The following NXPH1 variants were observed in gnomAD, a reference collection of about 807,000 sequenced individuals.
NXPH1 encodes the protein neurexophilin 1.
Under a neutral mutation model 23.7 loss-of-function variants are expected in NXPH1, and 5 were observed. The observed-to-expected ratio is 0.21, with a 90% CI of 0.11 to 0.44. NXPH1 has a LOEUF of 0.44. NXPH1 is among the 20% of genes least tolerant of loss of function. NXPH1 has a pLI of 0.99. For synonymous variants in NXPH1, 144 were observed against 122.2 expected (o/e 1.18, Z -1.18); for missense variants, 324 against 321.6 (o/e 1.01, Z -0.06).
chr7:8,504,684 G>A (rs926233717), intron 2 of NXPH1, among the ~76,000 whole-genome samples: 2 of 152,022 alleles, frequency 1.3e-5, no homozygotes, highest in Admixed American at 6.6e-5. Context: ...ACCCCCTAAA[G>A]TGATGATGTT....
intron 2 of NXPH1, among the ~76,000 whole-genome samples, chr7:8,682,337 A>G (rs1446263716): frequency 6.6e-6 from 1 of 152,210 alleles, no homozygotes; most frequent in Non-Finnish European, 1.5e-5. Flanking sequence ...TTGGGACGAG[A>G]TCAGGAGAGT....
chr7:8,728,811 G>C (rs1188025492), intron 2 of NXPH1, among the ~76,000 whole-genome samples: 1 of 152,106 alleles, frequency 6.6e-6, no homozygotes. Context: ...TTTTTTGGTT[G>C]TGTCTCTGCC....
At chr7:8,619,666 A>G (rs1819822976) in intron 2 of NXPH1, among the ~76,000 whole-genome samples, 1 of 152,310 alleles carries the variant, frequency 6.6e-6, no homozygotes, top group South Asian at 2.1e-4. Context: ...AGTATTACAG[A>G]TATCATGTCT....
At chr7:8,604,346 A>G (rs943124820) in intron 2 of NXPH1, among the ~76,000 whole-genome samples, 1 of 152,164 alleles carries the variant, frequency 6.6e-6, no homozygotes, top group African/African-American at 2.4e-5. Flanking sequence ...CCTACAATGT[A>G]CCCAACACTG....
chr7:8,556,572 G>T lies in NXPH1; in HGVS notation c.54+120805G>T, dbSNP rs577996131. 2.0e-5 allele frequency among the ~76,000 whole-genome samples: 3 copies of T among 151,716 alleles called. No homozygotes were observed. The South Asian group carries it at 6.2e-4, about 31-fold the overall frequency. On this transcript the variant is annotated intron_variant, in intron 2 of 2. Transcript: ENST00000405863. The stretch of plus-strand genomic sequence containing the variant: ...AGCAGGCAGAAAGTAAAAACTAACT[G>T]GCCAGTTAAGAACTATGTATGTCTA...
chr7:8,609,425 A>G (rs1046931341), intron 2 of NXPH1, among the ~76,000 whole-genome samples: 1 of 152,168 alleles, frequency 6.6e-6, no homozygotes, highest in African/African-American at 2.4e-5. Flanking sequence ...CCCAAGACTT[A>G]GCTAATTCAT....
chr7:8,486,683 C>G (rs1467527583), intron 2 of NXPH1, among the ~76,000 whole-genome samples: 3 of 152,174 alleles, frequency 2.0e-5, no homozygotes, highest in African/African-American at 7.2e-5. Flanking sequence ...CTGTGCTAGT[C>G]TACACTTATT....
At chr7:8,684,328 T>C (rs1821107422) in intron 2 of NXPH1, among the ~76,000 whole-genome samples, 1 of 152,174 alleles carries the variant, frequency 6.6e-6, no homozygotes, top group Non-Finnish European at 1.5e-5. Context: ...ACTTTTGACA[T>C]GGTATCCTGG....
At chr7:8,608,426 C>G (rs1332369130) in intron 2 of NXPH1, among the ~76,000 whole-genome samples, 1 of 151,566 alleles carries the variant, frequency 6.6e-6, no homozygotes, top group African/African-American at 2.4e-5. Flanking sequence ...CTCCTGGGCT[C>G]AAGCAAGCCT....
chr7:8,590,981 C>G (rs1410587011), intron 2 of NXPH1, among the ~76,000 whole-genome samples: 1 of 152,030 alleles, frequency 6.6e-6, no homozygotes, highest in African/African-American at 2.4e-5. Flanking sequence ...TCTGTGTACA[C>G]AATAGCATGC....
intron 2 of NXPH1, among the ~76,000 whole-genome samples, chr7:8,495,415 A>C (rs1213846504): frequency 6.6e-6 from 1 of 151,908 alleles, no homozygotes. Context: ...TGTTTGACCA[A>C]ACAACCGAAC....
At chr7:8,438,835 GT>G (rs931296293) in intron 2 of NXPH1, among the ~76,000 whole-genome samples, 1 of 152,210 alleles carries the variant, frequency 6.6e-6, no homozygotes, top group East Asian at 1.9e-4. Context: ...GGATTTTTGT[GT>G]TTTTTGAGAG....
At chr7:8,650,730 G>T (rs1170224271) in intron 2 of NXPH1, among the ~76,000 whole-genome samples, 1 of 152,104 alleles carries the variant, frequency 6.6e-6, no homozygotes, top group Non-Finnish European at 1.5e-5. Flanking sequence ...GCATCCTATT[G>T]TAATTCACTT....
At chr7:8,598,869 T>C (rs944250905) in intron 2 of NXPH1, among the ~76,000 whole-genome samples, 2 of 152,170 alleles carry the variant, frequency 1.3e-5, no homozygotes, top group African/African-American at 4.8e-5. Context: ...CTTCTGATCA[T>C]TGTATGCCTG....
chr7:8,545,977 C>T lies in NXPH1; in HGVS notation c.54+110210C>T, dbSNP rs181834268. On this transcript the variant is annotated intron_variant, in intron 2 of 2. Transcript: ENST00000405863. ...AAATGCTCACAGTGGGTAGAGAGAC[C>T]AGCTGTTGTACTTTTGATTTCACCG... is the stretch of plus-strand genomic sequence containing the variant. Among the ~76,000 whole-genome samples the T allele has an allele frequency of 4.6e-5, 7 of 151,556 alleles. No individual in the cohort carries two copies. The East Asian group carries it at 1.4e-3, about 30-fold the overall frequency.
rs937829256 is a variant in NXPH1 at position 8,442,651 on chromosome 7, G to A, written c.54+6884G>A. Among the ~76,000 whole-genome samples, 1 of 152,246 alleles carries A rather than the reference G, an allele frequency of 6.6e-6. No homozygotes were observed. Among genetic ancestry groups the A allele is most frequent in the African/African-American group, 2.4e-5 (1 of 41,462 alleles). On this transcript the variant is annotated intron_variant, in intron 2 of 2. Transcript: ENST00000405863. This position sits in a 1 kb window ranked among gnomAD's most constrained non-coding sequence, Gnocchi z 4.6. Reference sequence around the variant, plus strand: ...TCGGAAACTCAGTCCGCTGACCAAAGCCGCAGTGTTCAGGCCCCGGGGTTT... The same window carrying A: ...TCGGAAACTCAGTCCGCTGACCAAAACCGCAGTGTTCAGGCCCCGGGGTTT...
chr7:8,554,870 C>T (rs1437572847), intron 2 of NXPH1, among the ~76,000 whole-genome samples: 1 of 151,568 alleles, frequency 6.6e-6, no homozygotes, highest in Admixed American at 6.6e-5. Flanking sequence ...TTTCTAATTC[C>T]AGTTTAAATT....
At chr7:8,700,858 C>G (rs947056435) in intron 2 of NXPH1, among the ~76,000 whole-genome samples, 2 of 151,956 alleles carry the variant, frequency 1.3e-5, no homozygotes, top group Non-Finnish European at 2.9e-5. Context: ...CAATCTAGTC[C>G]ACTGCTTGTT....
At chr7:8,527,551 A>C (rs1227196541) in intron 2 of NXPH1, among the ~76,000 whole-genome samples, 3 of 152,218 alleles carry the variant, frequency 2.0e-5, no homozygotes, top group Non-Finnish European at 4.4e-5. Flanking sequence ...GGGGGAGACC[A>C]GTGCAATTAG....
Sources: gnomAD v4.1 joint callset for allele counts (sites outside exome capture counted in the v4.1 genomes callset) on GRCh38, gnomAD v4.1.1 for gene constraint, Gnocchi (gnomAD v3.1) non-coding constraint, MANE v1.5 for transcripts, NCBI Gene and HGNC (gene_info 2026-07-23, HGNC 2026-07-21) for gene names.